Variants in SLU7 observed in about 807,000 individuals in gnomAD.
The protein encoded by SLU7 is pre-mRNA-splicing factor SLU7.
A neutral mutation model predicts 87.0 loss-of-function variants in SLU7; 60 were observed. The ratio of observed to expected loss-of-function variants is 0.69; its 90% CI spans 0.56 to 0.86. The LOEUF (loss-of-function observed/expected upper bound fraction) is 0.86. SLU7 is among the 40% of genes least tolerant of loss of function. SLU7 has a pLI of 0.00. For synonymous variants in SLU7, 197 were observed against 222.0 expected (o/e 0.89, Z 1.00); for missense variants, 507 against 686.6 (o/e 0.74, Z 2.92).
chr5:160,405,168 G>T lies in SLU7; in HGVS notation c.1288-33C>A, dbSNP rs202182693. ...GAGAGAAATTAAAAAGCTTAAAAAG[G>T]AAGCTGAAATTAGAAACTTCTGTAT... On this transcript the variant is annotated intron_variant, in intron 12 of 15. Coordinates refer to ENST00000297151, the MANE Select transcript of SLU7 (RefSeq NM_006425.5). 3,759 of 1,493,578 alleles carry T rather than the reference G, an allele frequency of 2.5e-3. 9 individuals are homozygous for T. The highest frequency in any genetic ancestry group is 3.1e-3 in the Non-Finnish European group (3,361 of 1,072,918). 92.5% of individuals were successfully genotyped at this position (1,493,578 alleles called of 1,614,324 possible).
Position 160,408,633 on chromosome 5 carries a change from C to G in SLU7, c.687+17G>C, listed in dbSNP as rs761311152. 4 of 1,508,894 alleles carry G rather than the reference C, an allele frequency of 2.7e-6. No homozygotes were observed. In the African/African-American group the frequency reaches 4.1e-5, roughly 16 times the overall value. The allele number at this position is 1,508,894 out of a possible 1,614,324, so 93.5% of individuals were successfully genotyped here. On this transcript the variant is annotated intron_variant, in intron 7 of 15. Coordinates refer to ENST00000297151, the MANE Select transcript of SLU7 (RefSeq NM_006425.5). ...TAAAAATTTAACATATACTCAGAGA[C>G]AGCAAATATGTATTACCATCTGAGA...
At chr5:160,408,539 C>A in intron 7 of SLU7, 79 bp from the exon 8 acceptor site, 1 of 1,478,836 alleles carries the variant, frequency 6.8e-7, no homozygotes. Context: ...TCCCTTTAAC[C>A]AAACCCTTAT....
At chr5:160,413,402 A>G in intron 5 of SLU7, 54 bp downstream of exon 5, 1 of 1,528,302 alleles carries the variant, frequency 6.5e-7, no homozygotes. Flanking sequence ...TGCTAGAGAT[A>G]CAGCAAAAGG....
intron 12 of SLU7, among the ~76,000 whole-genome samples, chr5:160,405,875 A>G (rs1005443425): frequency 5.9e-5 from 9 of 152,244 alleles, no homozygotes; most frequent in African/African-American, 2.2e-4. Flanking sequence ...GATACACTCT[A>G]GAAAAGAGAC....
chr5:160,408,096 A>G (rs749011687), intron 8 of SLU7, 28 bp from the exon 9 acceptor site: 13 of 1,486,062 alleles, frequency 8.7e-6, no homozygotes, highest in South Asian at 1.1e-5. Context: ...TTAAAGAATT[A>G]ATGTTTACTC....
intron 6 of SLU7, among the ~76,000 whole-genome samples, chr5:160,411,919 C>T (rs1765253996): frequency 6.6e-6 from 1 of 152,058 alleles, no homozygotes; most frequent in Admixed American, 6.6e-5. Context: ...ATAAATTCTA[C>T]ATTAAATAAA....
rs1222655929 is a variant in SLU7 at position 160,413,438 on chromosome 5, G to A, written c.570+18C>T. On this transcript the variant is annotated intron_variant, in intron 5 of 15. Coordinates refer to ENST00000297151, the MANE Select transcript of SLU7 (RefSeq NM_006425.5). ...ACGATTCTTTAAAAACCCCAGGAAAGCAGGGAATTTTGCTCACCAAATCAA... is the reference window on the plus strand; with the variant it reads ...ACGATTCTTTAAAAACCCCAGGAAAACAGGGAATTTTGCTCACCAAATCAA... 65 of 1,609,660 alleles carry A rather than the reference G, an allele frequency of 4.0e-5. No individual in the cohort carries two copies. The highest frequency in any genetic ancestry group is 1.6e-4 in the Middle Eastern group (1 of 6,072).
rs765165170 is a variant in SLU7 at position 160,406,567 on chromosome 5, G to A, written c.1188C>T (p.Asp396=). 7 of 1,613,360 alleles carry A rather than the reference G, an allele frequency of 4.3e-6. No individual in the cohort carries two copies. In the East Asian group the frequency reaches 6.7e-5, roughly 15 times the overall value. ...PAELLLAQTE[D]YVEYSRHGTV... is the part of the protein sequence containing the mutation. ...TCCCATGTCTTGAGTACTCCACATA[G>A]TCTTCAGTCTGGGCTAAAAGCAATT... The change falls in exon 12 of 16, where the codon GAC becomes GAT. Residue 396 remains aspartate, a synonymous_variant. Coordinates refer to ENST00000297151, the MANE Select transcript of SLU7 (RefSeq NM_006425.5).
At chr5:160,414,291 T>C (rs1292364690) in intron 3 of SLU7, 28 bp downstream of exon 3, 65 of 1,529,332 alleles carry the variant, frequency 4.3e-5, no homozygotes, top group Non-Finnish European at 5.6e-5. Context: ...TCCATATCCA[T>C]GAAGATGTAT....
At chr5:160,415,427 A>G (rs763202964) in intron 1 of SLU7, 117 bp from the exon 2 acceptor site, 1 of 682,902 alleles carries the variant, frequency 1.5e-6, no homozygotes, top group Non-Finnish European at 2.2e-6. Context: ...CTCCTATATT[A>G]TGTGTAAGGA....
chr5:160,418,414 C>T (rs1191972783), intron 1 of SLU7, among the ~76,000 whole-genome samples: 2 of 152,154 alleles, frequency 1.3e-5, no homozygotes, highest in Non-Finnish European at 2.9e-5. Context: ...TATACTTGTC[C>T]ACAGAACATT....
chr5:160,408,649 C>A lies in SLU7; in HGVS notation c.687+1G>T. 6.4e-7 allele frequency: 1 copy of A among 1,558,230 alleles called. No individual in the cohort carries two copies. Among genetic ancestry groups the A allele is most frequent in the Non-Finnish European group, 8.8e-7 (1 of 1,135,864 alleles). ...ACTCAGAGACAGCAAATATGTATTA[C>A]CATCTGAGAATTTGGTTCCTCTTCT... On this transcript the variant is annotated splice_donor_variant, in intron 7 of 15. Transcript: ENST00000297151. LOFTEE classifies it high-confidence loss of function.
At chr5:160,414,142 G>A (rs1447492777) in intron 3 of SLU7, 163 bp from the exon 4 acceptor site, 4 of 686,400 alleles carry the variant, frequency 5.8e-6, no homozygotes, top group African/African-American at 5.6e-5. Context: ...AAGAGTTCAG[G>A]AGTGTAAAAT....
chr5:160,414,758 C>G (rs966668149), intron 2 of SLU7, among the ~76,000 whole-genome samples: 18 of 152,206 alleles, frequency 1.2e-4, no homozygotes, highest in African/African-American at 4.3e-4. Context: ...TAATCTAAAT[C>G]TTCTATCACA....
At position 160,415,247 on chromosome 5, in the gene SLU7, C is replaced by A. The variant is rs202134438; in HGVS notation, c.48G>T (p.Gly16=). Residue 16 remains glycine (G), a synonymous_variant, in exon 2 of 16, where the codon GGG becomes GGT. Coordinates refer to ENST00000297151, the MANE Select transcript of SLU7 (RefSeq NM_006425.5). ...VDAVNAAPLS[G]SKEMSLEEPK... is the part of the protein sequence containing the mutation. ...GTTCTTCCAAACTCATTTCTTTGGACCCCGATAGGGGTGCAGCATTAACTG... is the reference window on the plus strand; with the variant it reads ...GTTCTTCCAAACTCATTTCTTTGGAACCCGATAGGGGTGCAGCATTAACTG... 95 of 1,611,098 alleles carry A rather than the reference C, an allele frequency of 5.9e-5. No individual in the cohort carries two copies. The highest frequency in any genetic ancestry group is 3.3e-4 in the Middle Eastern group (2 of 6,080).
At chr5:160,409,445 A>T (rs537118475) in intron 6 of SLU7, among the ~76,000 whole-genome samples, 237 of 152,330 alleles carry the variant, frequency 1.6e-3, no homozygotes, top group African/African-American at 5.0e-3. Context: ...AGCATTAGTG[A>T]GGAGATGCAG....
intron 15 of SLU7, 90 bp from the exon 16 acceptor site, chr5:160,403,554 T>G: frequency 8.8e-7 from 1 of 1,134,818 alleles, no homozygotes; most frequent in Non-Finnish European, 1.2e-6. Context: ...CCCCACTGAA[T>G]ATGAACTGCT....
intron 6 of SLU7, among the ~76,000 whole-genome samples, chr5:160,411,325 G>A (rs1470755756): frequency 6.6e-6 from 1 of 151,806 alleles, no homozygotes; most frequent in African/African-American, 2.4e-5. Context: ...TCTGCCTCCT[G>A]GGTTCAAGCG....
chr5:160,405,575 A>G (rs2113104749), intron 12 of SLU7, among the ~76,000 whole-genome samples: 1 of 133,928 alleles, frequency 7.5e-6, no homozygotes, highest in Admixed American at 7.8e-5. Flanking sequence ...CCCTCAACTA[A>G]GAGAGACAAT....
Sources: allele counts gnomAD v4.1 joint callset (sites outside exome capture counted in the v4.1 genomes callset), GRCh38; gene constraint gnomAD v4.1.1; transcripts MANE v1.5; gene names NCBI Gene and HGNC (gene_info 2026-07-23, HGNC 2026-07-21).